KLF12: variants seen among roughly 807,000 people sequenced by gnomAD.
KLF12 encodes the protein KLF transcription factor 12.
KLF12 carries 9 observed loss-of-function variants against 37.8 expected under a neutral mutation model. The ratio of observed to expected loss-of-function variants is 0.24; its 90% CI spans 0.14 to 0.42. The LOEUF (loss-of-function observed/expected upper bound fraction) is 0.42, where lower values mean the gene tolerates loss of function less well. Ranked by LOEUF, KLF12 falls within the 10% of genes least tolerant of loss-of-function variation. The pLI is 1.00. For synonymous variants in KLF12, 208 were observed against 202.1 expected, an observed-to-expected ratio of 1.03 and a Z score of -0.25; for missense variants, 411 against 516.0, an observed-to-expected ratio of 0.80 and a Z score of 1.97.
the KLF12 span, among the ~76,000 whole-genome samples, chr13:74,251,935 C>T: frequency 6.6e-6 from 1 of 152,098 alleles, no homozygotes; most frequent in Non-Finnish European, 1.5e-5. Flanking sequence ...TCTAATTCTG[C>T]TAGGCTGAGT....
At chr13:74,231,683 A>C in the KLF12 span, 1 of 152,214 alleles carries the variant, frequency 6.6e-6, no homozygotes, top group African/African-American at 2.4e-5. Flanking sequence ...GAAACCTTGA[A>C]GTGGATATGG....
chr13:74,214,846 G>A, the KLF12 span, among the ~76,000 whole-genome samples: 34 of 152,012 alleles, frequency 2.2e-4, no homozygotes, highest in African/African-American at 7.5e-4. Context: ...CCAAGTTGGA[G>A]TGCAGTGGCA....
At chr13:74,085,154 C>T (rs1049667772) in intron 1 of KLF12, among the ~76,000 whole-genome samples, 4 of 152,132 alleles carry the variant, frequency 2.6e-5, no homozygotes, top group Admixed American at 2.6e-4. Flanking sequence ...GCAATCAAAC[C>T]CACGTGACCA....
chr13:74,232,522 C>T, the KLF12 span, among the ~76,000 whole-genome samples: 4 of 152,242 alleles, frequency 2.6e-5, no homozygotes, highest in African/African-American at 4.8e-5. Flanking sequence ...GCTCTCACAC[C>T]TCTAAATAAT....
At chr13:73,861,441 A>ATTGGCATTCTTAT (rs1271913287) in intron 3 of KLF12, among the ~76,000 whole-genome samples, 16 of 152,162 alleles carry the variant, frequency 1.1e-4, no homozygotes, top group Non-Finnish European at 2.4e-4. Context: ...GAACTTCTGC[A>ATTGGCATTCTTAT]TTGGCATTCT....
At chr13:73,710,568 T>C (rs1237193146) in intron 7 of KLF12, among the ~76,000 whole-genome samples, 1 of 152,196 alleles carries the variant, frequency 6.6e-6, no homozygotes, top group Non-Finnish European at 1.5e-5. Flanking sequence ...ATATTTTGTA[T>C]GGTGATCTGT....
In KLF12 at chr13:73,689,330, A is replaced by C. The variant is rs982543792; in HGVS notation, c.*6160T>G. The C allele has an allele frequency of 2.6e-5, 4 of 152,072 alleles. No individual in the cohort carries two copies. The highest frequency in any genetic ancestry group is 5.9e-5 in the Non-Finnish European group (4 of 68,040). 9.4% of individuals were successfully genotyped at this position (152,072 alleles called of 1,614,324 possible). A position where few individuals can be genotyped will look rare whatever the true frequency, so the allele number is the denominator to read the frequency against. ...GGCCTGTGGTCTGAGTCCATCATGG[A>C]AGTCTAAAGCCTGAATGTTTAATCA... On this transcript the variant is annotated 3_prime_UTR_variant, in exon 8 of 8. Coordinates refer to ENST00000377669, the MANE Select transcript of KLF12 (RefSeq NM_007249.5).
At chr13:74,112,384 TTGTCTG>T (rs1365705227) in intron 1 of KLF12, among the ~76,000 whole-genome samples, 3,279 of 145,258 alleles carry the variant, frequency 0.023, 129 homozygotes, top group African/African-American at 0.077. Flanking sequence ...TTTGCAGATA[TTGTCTG>T]TGTGTGTGTG....
intron 1 of KLF12, among the ~76,000 whole-genome samples, chr13:74,023,868 TA>T: frequency 6.6e-6 from 1 of 152,174 alleles, no homozygotes; most frequent in East Asian, 1.9e-4. Context: ...GGTAGCAGAT[TA>T]AGCAAGTTTC....
At position 73,689,959 on chromosome 13, in the gene KLF12, G is replaced by A. The variant is rs977197028; in HGVS notation, c.*5531C>T. ...ACCATATGCAATAGTGTTCACTGAAGATAAACTTAATGTTCAGATTTGTGT... is the reference window on the plus strand; with the variant it reads ...ACCATATGCAATAGTGTTCACTGAAAATAAACTTAATGTTCAGATTTGTGT... On this transcript the variant is annotated 3_prime_UTR_variant, in exon 8 of 8. Transcript: ENST00000377669. 6.6e-6 allele frequency: 1 copy of A among 152,154 alleles called. No individual in the cohort carries two copies. Among genetic ancestry groups the A allele is most frequent in the African/African-American group, 2.4e-5 (1 of 41,410 alleles). 9.4% of individuals were successfully genotyped at this position (152,154 alleles called of 1,614,324 possible).
At position 73,805,111 on chromosome 13, in the gene KLF12, TCAGA is replaced by T. The variant is rs1376107172; in HGVS notation, c.806+8037_806+8040del. Among the ~76,000 whole-genome samples the T allele has an allele frequency of 2.0e-5, 3 of 152,160 alleles. No individual in the cohort carries two copies. The East Asian group carries it at 5.8e-4, about 29-fold the overall frequency. ...AGTTGACTCAGTGCCCTTTTAACTCTCAGACAACTTTTTCCCAAGATTTTCTTTG... is the reference window on the plus strand; with the variant it reads ...AGTTGACTCAGTGCCCTTTTAACTCTCAACTTTTTCCCAAGATTTTCTTTG... On this transcript the variant is annotated intron_variant, in intron 5 of 7. Transcript: ENST00000377669.
At chr13:74,148,500 C>T in the KLF12 span, among the ~76,000 whole-genome samples, 1,762 of 143,166 alleles carry the variant, frequency 0.012, 54 homozygotes, top group African/African-American at 0.043. Flanking sequence ...CCCCACCCCA[C>T]CCCGCACTCT....
intron 6 of KLF12, among the ~76,000 whole-genome samples, chr13:73,764,136 T>C (rs890215711): frequency 1.3e-5 from 2 of 152,204 alleles, no homozygotes; most frequent in Non-Finnish European, 2.9e-5. Flanking sequence ...ATTCTAACTA[T>C]AATTCAATGA....
chr13:73,898,265 C>A (rs147167241), intron 3 of KLF12, among the ~76,000 whole-genome samples: 1 of 152,188 alleles, frequency 6.6e-6, no homozygotes, highest in African/African-American at 2.4e-5. Context: ...ACAAAAAATT[C>A]AAGGGTAATT....
intron 1 of KLF12, among the ~76,000 whole-genome samples, chr13:74,050,080 C>T (rs919529669): frequency 4.6e-5 from 7 of 151,628 alleles, no homozygotes; most frequent in Middle Eastern, 3.2e-3. Flanking sequence ...AAAAACAGGC[C>T]ACATAAAGGC....
At chr13:73,778,006 T>G (rs1318083717) in intron 5 of KLF12, among the ~76,000 whole-genome samples, 1 of 151,868 alleles carries the variant, frequency 6.6e-6, no homozygotes, top group African/African-American at 2.4e-5. Context: ...TGGTGGCGCA[T>G]GCCTGTAATC....
the KLF12 span, among the ~76,000 whole-genome samples, chr13:74,224,377 T>G: frequency 2.0e-5 from 3 of 152,182 alleles, no homozygotes; most frequent in African/African-American, 7.2e-5. Context: ...GCTGGTGATA[T>G]CTATGACATC....
intron 6 of KLF12, among the ~76,000 whole-genome samples, chr13:73,728,086 CA>C (rs1412423834): frequency 6.6e-6 from 1 of 152,222 alleles, no homozygotes; most frequent in Non-Finnish European, 1.5e-5. Context: ...TTATGTCTTT[CA>C]AACCATGAAT....
At chr13:73,983,073 T>A (rs1333851639) in intron 2 of KLF12, among the ~76,000 whole-genome samples, 2 of 152,172 alleles carry the variant, frequency 1.3e-5, no homozygotes, top group South Asian at 4.1e-4. Context: ...AAGATCTCTA[T>A]AAGGCAGCTT....
Sources: allele counts gnomAD v4.1 joint callset (sites outside exome capture counted in the v4.1 genomes callset), GRCh38; gene constraint gnomAD v4.1.1; transcripts MANE v1.5; gene names NCBI Gene and HGNC (gene_info 2026-07-23, HGNC 2026-07-21).